TNNT3: variants seen among roughly 807,000 people sequenced by gnomAD.
TNNT3 encodes troponin T3, fast skeletal type.
Under a neutral mutation model 54.2 loss-of-function variants are expected in TNNT3, and 36 were observed. The ratio of observed to expected loss-of-function variants is 0.66; its 90% CI spans 0.51 to 0.88. The LOEUF (loss-of-function observed/expected upper bound fraction) is 0.88. Ranked by LOEUF, TNNT3 falls within the 40% of genes least tolerant of loss-of-function variation. The pLI, the probability that TNNT3 is intolerant of heterozygous loss-of-function variation, is 0.00. For missense variants in TNNT3, 291 were observed against 331.6 expected (o/e 0.88, Z 0.95); for synonymous variants, 120 against 109.7 (o/e 1.09, Z -0.59).
chr11:1,920,208 C>G (rs1247043896), intron 1 of TNNT3, among the ~76,000 whole-genome samples: 1 of 152,196 alleles, frequency 6.6e-6, no homozygotes, highest in Non-Finnish European at 1.5e-5. Flanking sequence ...CCTTGCCATG[C>G]AGCTCTCGCA....
At chr11:1,936,121 C>T (rs916976168) in intron 14 of TNNT3, 46 of 1,456,986 alleles carry the variant, frequency 3.2e-5, no homozygotes, top group Non-Finnish European at 3.9e-5. Flanking sequence ...GGCTCCAGAG[C>T]CTGGAGGGCC....
In TNNT3 at chr11:1,925,061, C is replaced by A. The variant is rs1290405000; in HGVS notation, c.50-38C>A. ...TGTCTCTGTTCCCTGTCTCCCTCAA[C>A]CCCGCCTTCTCCTGCTCCTGGCTTC... On this transcript the variant is annotated intron_variant, in intron 4 of 15. Transcript: ENST00000278317. 4.3e-6 allele frequency: 7 copies of A among 1,611,452 alleles called. No individual in the cohort carries two copies. In the East Asian group the frequency reaches 8.9e-5, roughly 21 times the overall value.
At position 1,928,847 on chromosome 11, in the gene TNNT3, C is replaced by A. The variant is rs149626354; in HGVS notation, c.83-273C>A. The A allele has an allele frequency of 1.6e-3, 896 of 545,676 alleles. 5 individuals are homozygous for A. Among genetic ancestry groups the A allele is most frequent in the Non-Finnish European group, 1.4e-3 (407 of 299,214 alleles). 33.8% of individuals were successfully genotyped at this position (545,676 alleles called of 1,614,324 possible). A position where few individuals can be genotyped will look rare whatever the true frequency, so the allele number is the denominator to read the frequency against. ...AGTGCCCTTAGCCCCCCACCTTGCCCCGCGAGGTCCCCGTGTCCCTCCTAT... is the reference window on the plus strand; with the variant it reads ...AGTGCCCTTAGCCCCCCACCTTGCCACGCGAGGTCCCCGTGTCCCTCCTAT... On this transcript the variant is annotated intron_variant, in intron 6 of 15. Coordinates refer to ENST00000278317, the MANE Select transcript of TNNT3 (RefSeq NM_006757.4).
chr11:1,919,756 C>A lies in TNNT3; in HGVS notation c.-25C>A, dbSNP rs1455551614. The A allele has an allele frequency of 6.6e-6, 1 of 152,268 alleles. No individual in the cohort carries two copies. The allele number at this position is 152,268 out of a possible 1,614,324, so 9.4% of individuals were successfully genotyped here. A position where few individuals can be genotyped will look rare whatever the true frequency, so the allele number is the denominator to read the frequency against. ...GAGCTCCAGCCCTTCTCACACTCGACCCGCAGGTGGGTATAGGCAGGAGCG... is the reference window on the plus strand; with the variant it reads ...GAGCTCCAGCCCTTCTCACACTCGAACCGCAGGTGGGTATAGGCAGGAGCG... On this transcript the variant is annotated 5_prime_UTR_variant, in exon 1 of 16. Transcript: ENST00000278317.
rs139209092 is a variant in TNNT3 at position 1,924,684 on chromosome 11, T to C, written c.50-415T>C. Among the ~76,000 whole-genome samples, 221 of 152,298 alleles carry C rather than the reference T, an allele frequency of 1.5e-3. 1 individual carries two copies. The highest frequency in any genetic ancestry group is 4.9e-3 in the African/African-American group (204 of 41,574). On this transcript the variant is annotated intron_variant, in intron 4 of 15. Transcript: ENST00000278317. ...TGAAGACCCCTCAGTGCCAGCCTTG[T>C]TTCCGGGTGCACTCAGAGCCGGGGC...
intron 5 of TNNT3, 24 bp downstream of exon 5, chr11:1,925,140 C>A (rs1297669376): frequency 3.7e-6 from 6 of 1,610,974 alleles, no homozygotes; most frequent in South Asian, 1.1e-5. Flanking sequence ...AAGGCCCCGG[C>A]CCCCATGCCC....
In TNNT3 at chr11:1,925,107, C is replaced by T; in HGVS notation, c.58C>T (p.Gln20Ter). 1 of 1,612,956 alleles carries T rather than the reference C, an allele frequency of 6.2e-7. No homozygotes were observed. The highest frequency in any genetic ancestry group is 8.5e-7 in the Non-Finnish European group (1 of 1,179,922). Residue 20 changes from glutamine to a stop codon, truncating the protein, a stop_gained, in exon 5 of 16, where the codon CAG becomes TAG. Coordinates refer to ENST00000278317, the MANE Select transcript of TNNT3 (RefSeq NM_006757.4). LOFTEE classifies it high-confidence loss of function. ...EEQYEEEEEA[Q>*]EEEEVQEDTA... The stretch of plus-strand genomic sequence containing the variant: ...GCTTCTCCGGCTCTCAGAGGAAGCC[C>T]AGGAGGAAGGTAAGTGGGGTCCAAG...
At chr11:1,936,107 C>A in intron 14 of TNNT3, 1 of 1,320,844 alleles carries the variant, frequency 7.6e-7, no homozygotes, top group South Asian at 1.2e-5. Context: ...AGCGGGCCCC[C>A]AGGGGCTCCA....
chr11:1,932,431 C>T (rs534537014), intron 8 of TNNT3, 38 bp from the exon 9 acceptor site: 77 of 1,609,522 alleles, frequency 4.8e-5, no homozygotes, highest in Middle Eastern at 1.8e-4. Flanking sequence ...GGTGGGTCTC[C>T]GGGTCTCTGC....
intron 14 of TNNT3, 79 bp downstream of exon 14, chr11:1,934,998 C>A: frequency 7.2e-7 from 1 of 1,390,094 alleles, no homozygotes; most frequent in Non-Finnish European, 1.0e-6. Flanking sequence ...TGCGTCCCTA[C>A]CAAACTCTGG....
In TNNT3 at chr11:1,936,940, TGA is replaced by T. The variant is rs564812331; in HGVS notation, c.682-21_682-20del. The T allele has an allele frequency of 1.9e-4, 307 of 1,600,528 alleles. 2 individuals carry two copies. In the South Asian group the frequency reaches 3.2e-3, roughly 16 times the overall value. On this transcript the variant is annotated intron_variant, in intron 14 of 15. Transcript: ENST00000278317. ...AGGCCTGGCCCTCGGGTCGTCGCAGTGAGTCACTCATGTTGTTCACAGATCAC... is the reference window on the plus strand; with the variant it reads ...AGGCCTGGCCCTCGGGTCGTCGCAGTGTCACTCATGTTGTTCACAGATCAC...
Position 1,926,195 on chromosome 11 carries a change from C to G in TNNT3, c.68-500C>G, listed in dbSNP as rs542362. On this transcript the variant is annotated intron_variant, in intron 5 of 15. Transcript: ENST00000278317. ...GCCCAGCCCCAGTACTGAGCCTGCT[C>G]CACCAAGGACAAGAGCCACAGCTCC... Among the ~76,000 whole-genome samples the G allele has an allele frequency of 0.34, 52,180 of 152,082 alleles. 9,916 individuals are homozygous for G. The highest frequency in any genetic ancestry group is 0.63 in the East Asian group (3,249 of 5,130).
chr11:1,921,014 G>A (rs1005761342), intron 1 of TNNT3, among the ~76,000 whole-genome samples: 2 of 152,158 alleles, frequency 1.3e-5, no homozygotes, highest in Non-Finnish European at 2.9e-5. Flanking sequence ...CCTGCCTGAG[G>A]GTGTTGGGGC....
At chr11:1,924,225 CA>C (rs1475661460) in intron 4 of TNNT3, among the ~76,000 whole-genome samples, 6 of 152,184 alleles carry the variant, frequency 3.9e-5, no homozygotes, top group Non-Finnish European at 5.9e-5. Context: ...TGCCACCCCC[CA>C]ACCCTGTGCT....
At position 1,923,056 on chromosome 11, in the gene TNNT3, T is replaced by C. The variant is rs1252730314; in HGVS notation, c.26T>C (p.Val9Ala). 1.2e-6 allele frequency: 2 copies of C among 1,613,834 alleles called. No homozygotes were observed. Among genetic ancestry groups the C allele is most frequent in the Non-Finnish European group, 1.7e-6 (2 of 1,179,956 alleles). The change falls in exon 3 of 16, where the codon GTG becomes GCG. Residue 9 changes from valine (V) to alanine (A), a missense_variant. Physicochemically the swap from Val to Ala is moderately conservative, Grantham distance 64. Transcript: ENST00000278317. The part of the protein sequence containing the change: MSDEEVEQ[V>A]EEQYEEEEEA... ...CTCTCCCTGCCCCACAGTGAACAGG[T>C]GGAGGGTAAGTGTAACAGCCATTTT...
intron 8 of TNNT3, 143 bp from the exon 9 acceptor site, chr11:1,932,326 G>A (rs1274131129): frequency 2.5e-5 from 20 of 800,786 alleles, no homozygotes; most frequent in South Asian, 2.4e-4. Context: ...TGGGGCAAAC[G>A]TGTCACTAGG....
intron 1 of TNNT3, among the ~76,000 whole-genome samples, chr11:1,922,588 C>T (rs914557359): frequency 2.0e-5 from 3 of 152,132 alleles, no homozygotes; most frequent in Admixed American, 2.0e-4. Context: ...AACATCCCTT[C>T]CAGCTCCAAG....
intron 8 of TNNT3, among the ~76,000 whole-genome samples, chr11:1,931,534 G>T (rs1386636631): frequency 6.6e-6 from 1 of 152,236 alleles, no homozygotes; most frequent in African/African-American, 2.4e-5. Context: ...CTCGGGGCCA[G>T]CGTTTCCCTG....
At position 1,923,580 on chromosome 11, in the gene TNNT3, T is replaced by C. The variant is rs745695630; in HGVS notation, c.49+8T>C. On this transcript the variant is annotated splice_region_variant and intron_variant, in intron 4 of 15. Coordinates refer to ENST00000278317, the MANE Select transcript of TNNT3 (RefSeq NM_006757.4). ...AGCAGTACGAAGAAGAAGGTAATTC[T>C]GGCAACCACCGGAAGCCCCCCCAGC... 1.2e-5 allele frequency: 20 copies of C among 1,613,552 alleles called. No homozygotes were observed. The highest frequency in any genetic ancestry group is 1.6e-5 in the Non-Finnish European group (19 of 1,179,796).
Sources: allele counts gnomAD v4.1 joint callset (sites outside exome capture counted in the v4.1 genomes callset), GRCh38; gene constraint gnomAD v4.1.1; transcripts MANE v1.5; gene names NCBI Gene and HGNC (gene_info 2026-07-23, HGNC 2026-07-21).